Variants in GRIN3A observed in about 807,000 individuals in gnomAD.
The protein encoded by GRIN3A is glutamate ionotropic receptor NMDA type subunit 3A.
A neutral mutation model predicts 92.4 loss-of-function variants in GRIN3A; 47 were observed. The ratio of observed to expected loss-of-function variants is 0.51; its 90% CI spans 0.40 to 0.65. GRIN3A has a LOEUF of 0.65. Among genes scored for constraint, GRIN3A ranks in the 30% least tolerant of loss-of-function variants. The pLI is 0.00. For missense variants in GRIN3A, 1,324 were observed against 1,393.1 expected, an observed-to-expected ratio of 0.95 and a Z score of 0.79; for synonymous variants, 527 against 540.6, an observed-to-expected ratio of 0.97 and a Z score of 0.35.
intron 6 of GRIN3A, among the ~76,000 whole-genome samples, chr9:101,587,890 T>C (rs940766206): frequency 1.3e-5 from 2 of 152,242 alleles, no homozygotes; most frequent in African/African-American, 4.8e-5. Flanking sequence ...CAAATGCTAT[T>C]TCTAATTTTG....
At chr9:101,658,928 G>A (rs535737746) in intron 3 of GRIN3A, among the ~76,000 whole-genome samples, 8 of 151,744 alleles carry the variant, frequency 5.3e-5, no homozygotes, top group African/African-American at 7.3e-5. Context: ...ATACACCAGT[G>A]GTTGAATCAC....
chr9:101,624,221 T>A (rs992276734), intron 4 of GRIN3A, among the ~76,000 whole-genome samples: 6 of 152,006 alleles, frequency 3.9e-5, no homozygotes, highest in Non-Finnish European at 8.8e-5. Flanking sequence ...TTTTTTTATT[T>A]TTTTATTTTA....
intron 3 of GRIN3A, among the ~76,000 whole-genome samples, chr9:101,634,013 T>C (rs1489371823): frequency 6.6e-6 from 1 of 152,018 alleles, no homozygotes; most frequent in Non-Finnish European, 1.5e-5. Context: ...GTTACTTCTC[T>C]GCTTGATCAT....
chr9:101,687,957 T>G (rs1829560456), intron 1 of GRIN3A, among the ~76,000 whole-genome samples: 1 of 152,196 alleles, frequency 6.6e-6, no homozygotes, highest in Non-Finnish European at 1.5e-5. Flanking sequence ...AAATTAGCAG[T>G]CATATAATTG....
intron 4 of GRIN3A, among the ~76,000 whole-genome samples, chr9:101,626,970 C>T (rs10819954): frequency 2.6e-5 from 4 of 152,174 alleles, no homozygotes; most frequent in Non-Finnish European, 4.4e-5. Flanking sequence ...TCCTGAGATA[C>T]GTGAATGCCC....
intron 1 of GRIN3A, among the ~76,000 whole-genome samples, chr9:101,698,127 GT>G (rs1459235026): frequency 1.3e-5 from 2 of 152,098 alleles, no homozygotes; most frequent in Non-Finnish European, 2.9e-5. Flanking sequence ...TACTAATATA[GT>G]TAATGCAAAA....
chr9:101,574,657 C>G (rs1416740185), intron 8 of GRIN3A, among the ~76,000 whole-genome samples: 1 of 152,190 alleles, frequency 6.6e-6, no homozygotes, highest in Non-Finnish European at 1.5e-5. Context: ...TGTAATGTGA[C>G]TTTGCAGCTT....
rs145847748 is a variant in GRIN3A at position 101,636,162 on chromosome 9, C to T, written c.2353-7761G>A. On this transcript the variant is annotated intron_variant, in intron 3 of 8. Coordinates refer to ENST00000361820, the MANE Select transcript of GRIN3A (RefSeq NM_133445.3). Reference sequence around the variant, plus strand: ...CCTCCCAAAGTATTGGGATTACAGGCGTGAGCCACCGCACTCACTTTAGCT... The same window carrying T: ...CCTCCCAAAGTATTGGGATTACAGGTGTGAGCCACCGCACTCACTTTAGCT... Among the ~76,000 whole-genome samples the T allele has an allele frequency of 1.5e-3, 232 of 152,324 alleles. 1 individual carries two copies. The highest frequency in any genetic ancestry group is 5.3e-3 in the African/African-American group (221 of 41,572).
At chr9:101,608,206 T>G (rs1828311541) in intron 6 of GRIN3A, among the ~76,000 whole-genome samples, 1 of 152,202 alleles carries the variant, frequency 6.6e-6, no homozygotes, top group Admixed American at 6.5e-5. Context: ...AGAACTCTGT[T>G]ATTTCTGTCC....
intron 1 of GRIN3A, 108 bp from the exon 2 acceptor site, chr9:101,687,308 T>C: frequency 9.1e-7 from 1 of 1,101,802 alleles, no homozygotes; most frequent in Non-Finnish European, 1.4e-6. Context: ...TTCACTGTGA[T>C]ACATAGTTCT....
intron 1 of GRIN3A, among the ~76,000 whole-genome samples, chr9:101,694,336 C>A (rs533946325): frequency 5.9e-5 from 9 of 152,202 alleles, no homozygotes; most frequent in Admixed American, 2.0e-4. Flanking sequence ...GAAGAAATAG[C>A]AGGAGCATGC....
At chr9:101,687,258 T>A in intron 1 of GRIN3A, 58 bp from the exon 2 acceptor site, 1 of 1,571,366 alleles carries the variant, frequency 6.4e-7, no homozygotes, top group Non-Finnish European at 8.7e-7. Flanking sequence ...GACTTTAACA[T>A]AGGGTACTTT....
intron 1 of GRIN3A, among the ~76,000 whole-genome samples, chr9:101,720,847 G>A (rs10819982): frequency 0.32 from 48,844 of 151,980 alleles, 8,984 homozygotes; most frequent in Non-Finnish European, 0.41. Context: ...GGAGCCTACT[G>A]GAGGGTGAAG....
At chr9:101,715,200 TAAAAAAAAAAAAAA>T (rs5899459) in intron 1 of GRIN3A, among the ~76,000 whole-genome samples, 11 of 127,692 alleles carry the variant, frequency 8.6e-5, no homozygotes, top group African/African-American at 3.3e-4. Context: ...ACAAAAATGG[TAAAAAAAAAAAAAA>T]AAAAAGAAAA....
At chr9:101,665,459 G>A (rs1428062706) in intron 3 of GRIN3A, among the ~76,000 whole-genome samples, 1 of 151,908 alleles carries the variant, frequency 6.6e-6, no homozygotes, top group African/African-American at 2.4e-5. Context: ...TTCTTGAGAT[G>A]AATTCACTGA....
intron 6 of GRIN3A, among the ~76,000 whole-genome samples, chr9:101,606,739 C>A (rs552365343): frequency 6.6e-6 from 1 of 151,690 alleles, no homozygotes; most frequent in Admixed American, 6.6e-5. Flanking sequence ...AGGAGGCTTG[C>A]AAAAAGAAAG....
At chr9:101,704,760 T>C (rs1829792492) in intron 1 of GRIN3A, among the ~76,000 whole-genome samples, 1 of 152,200 alleles carries the variant, frequency 6.6e-6, no homozygotes, top group African/African-American at 2.4e-5. Flanking sequence ...TAGGCAATGA[T>C]GTTTGGTAGG....
intron 4 of GRIN3A, among the ~76,000 whole-genome samples, chr9:101,624,263 G>A (rs1218242267): frequency 6.6e-6 from 1 of 151,484 alleles, no homozygotes; most frequent in African/African-American, 2.4e-5. Flanking sequence ...TAGGGTACAT[G>A]TGCACAATGT....
intron 2 of GRIN3A, among the ~76,000 whole-genome samples, chr9:101,679,683 C>T (rs976095330): frequency 1.3e-5 from 2 of 152,182 alleles, no homozygotes; most frequent in East Asian, 3.9e-4. Flanking sequence ...ACCTTAGTAG[C>T]CCTAGCAGAG....
Sources: gnomAD v4.1 joint callset for allele counts (sites outside exome capture counted in the v4.1 genomes callset) on GRCh38, gnomAD v4.1.1 for gene constraint, MANE v1.5 for transcripts, NCBI Gene and HGNC (gene_info 2026-07-23, HGNC 2026-07-21) for gene names.